PPTC7: variants seen among roughly 807,000 people sequenced by gnomAD.
The protein encoded by PPTC7 is protein phosphatase PTC7 homolog.
PPTC7 carries 6 observed loss-of-function variants against 30.8 expected under a neutral mutation model. That is an observed-to-expected ratio of 0.19 (90% CI 0.11 to 0.38). The LOEUF is 0.38. PPTC7 is among the 10% of genes least tolerant of loss of function. The pLI, the probability that PPTC7 is intolerant of heterozygous loss-of-function variation, is 1.00. For missense variants in PPTC7, 218 were observed against 404.8 expected (o/e 0.54, Z 3.96); for synonymous variants, 163 against 168.1 (o/e 0.97, Z 0.23).
At position 110,539,836 on chromosome 12, in the gene PPTC7, G is replaced by C. The variant is rs2064243513; in HGVS notation, c.712C>G (p.Leu238Val). ...NMPDYMILQE[L>V]KKLKNSNYES... The stretch of plus-strand genomic sequence containing the variant: ...GAGTTAATTACCTTTAACTTTTTTA[G>C]CTCCTGAAGAATCATATAATCAGGC... The change falls in exon 4 of 6, where the codon CTA (leucine) becomes GTA (valine). Residue 238 changes from leucine to valine, a missense_variant. Leu to Val is a conservative substitution (Grantham distance 32). Transcript: ENST00000354300. The C allele has an allele frequency of 1.9e-6, 3 of 1,613,462 alleles. No individual in the cohort carries two copies. In the African/African-American group the frequency reaches 4.0e-5, roughly 22 times the overall value.
chr12:110,572,009 C>A (rs536133182), intron 1 of PPTC7, among the ~76,000 whole-genome samples: 3 of 152,288 alleles, frequency 2.0e-5, no homozygotes, highest in Admixed American at 2.0e-4. Flanking sequence ...AATTGCTATT[C>A]AAACATAGCA....
At chr12:110,545,293 A>C (rs1242621314) in intron 3 of PPTC7, among the ~76,000 whole-genome samples, 1 of 152,116 alleles carries the variant, frequency 6.6e-6, no homozygotes, top group Non-Finnish European at 1.5e-5. Context: ...GGGTTTCACC[A>C]TGTTGGCCAA....
chr12:110,554,925 T>C (rs572745319), intron 1 of PPTC7, among the ~76,000 whole-genome samples: 1 of 152,352 alleles, frequency 6.6e-6, no homozygotes, highest in South Asian at 2.1e-4. Context: ...CATTCTGTAT[T>C]AATTTTATTT....
chr12:110,559,744 A>AG (rs2064422428), intron 1 of PPTC7, among the ~76,000 whole-genome samples: 1 of 151,044 alleles, frequency 6.6e-6, no homozygotes, highest in Non-Finnish European at 1.5e-5. Flanking sequence ...AAAAAAAAAA[A>AG]AAAAAAGAAA....
intron 2 of PPTC7, among the ~76,000 whole-genome samples, chr12:110,547,334 T>C (rs1051690955): frequency 1.3e-5 from 2 of 152,324 alleles, no homozygotes; most frequent in South Asian, 4.1e-4. Flanking sequence ...AGCTCTGTGA[T>C]GGGGCAAACT....
At position 110,582,833 on chromosome 12, in the gene PPTC7, G is replaced by T; in HGVS notation, c.199C>A (p.Arg67=). The T allele has an allele frequency of 1.3e-6, 2 of 1,563,814 alleles. No homozygotes were observed. The highest frequency in any genetic ancestry group is 1.7e-6 in the Non-Finnish European group (2 of 1,154,470). The change falls in exon 1 of 6, where the codon CGG becomes AGG. Residue 67 remains arginine, a synonymous_variant. Transcript: ENST00000354300. The part of the protein sequence containing the change: ...CYGDDACFVA[R]HRSADVLGVA... ...CCGAGCACGTCCGCGGAACGGTGCC[G>T]GGCCACGAAGCACGCGTCGTCCCCG...
chr12:110,540,705 A>G (rs913459325), intron 3 of PPTC7, among the ~76,000 whole-genome samples: 7 of 151,700 alleles, frequency 4.6e-5, no homozygotes, highest in African/African-American at 1.7e-4. Flanking sequence ...GTTTCCTCGA[A>G]TATTTGAATC....
chr12:110,555,654 T>A (rs1410990170), intron 1 of PPTC7, among the ~76,000 whole-genome samples: 1 of 152,126 alleles, frequency 6.6e-6, no homozygotes, highest in African/African-American at 2.4e-5. Flanking sequence ...ACATTTGGTA[T>A]CCATGAAACA....
chr12:110,581,505 G>A (rs2064637048), intron 1 of PPTC7, among the ~76,000 whole-genome samples: 1 of 152,146 alleles, frequency 6.6e-6, no homozygotes, highest in African/African-American at 2.4e-5. Flanking sequence ...TGACTTCGGG[G>A]TGGATTTGTA....
chr12:110,538,355 GT>G (rs2064233895), intron 4 of PPTC7, 82 bp from the exon 5 acceptor site: 3 of 1,358,378 alleles, frequency 2.2e-6, no homozygotes, highest in Non-Finnish European at 3.1e-6. Flanking sequence ...CATCATGTAA[GT>G]TTTATTCTAG....
chr12:110,539,312 GA>G (rs2064239836), intron 4 of PPTC7, among the ~76,000 whole-genome samples: 1 of 152,168 alleles, frequency 6.6e-6, no homozygotes, highest in Admixed American at 6.5e-5. Context: ...AGACTCATGA[GA>G]AAAAGACTCA....
intron 1 of PPTC7, among the ~76,000 whole-genome samples, chr12:110,554,241 A>G (rs1170015996): frequency 6.6e-6 from 1 of 152,132 alleles, no homozygotes; most frequent in East Asian, 1.9e-4. Context: ...TGTTACAATC[A>G]CAGCTCATTG....
At chr12:110,545,809 C>T in intron 3 of PPTC7, 71 bp downstream of exon 3, 1 of 1,403,084 alleles carries the variant, frequency 7.1e-7, no homozygotes, top group South Asian at 1.2e-5. Context: ...TCACTGCACT[C>T]AAGGGGGACA....
intron 3 of PPTC7, among the ~76,000 whole-genome samples, chr12:110,541,084 A>G (rs967538216): frequency 2.6e-5 from 4 of 151,128 alleles, no homozygotes; most frequent in South Asian, 2.1e-4. Context: ...CGCCAATCTT[A>G]TAAGAATTCA....
Position 110,583,100 on chromosome 12 carries a change from C to G in PPTC7, c.-69G>C. The G allele has an allele frequency of 7.9e-7, 1 of 1,263,322 alleles. No individual in the cohort carries two copies. The highest frequency in any genetic ancestry group is 1.0e-6 in the Non-Finnish European group (1 of 989,588). 78.3% of individuals were successfully genotyped at this position (1,263,322 alleles called of 1,614,324 possible). On this transcript the variant is annotated 5_prime_UTR_variant, in exon 1 of 6. Transcript: ENST00000354300. The stretch of plus-strand genomic sequence containing the variant: ...GGAGGACGCGGAGGCCCGGAGCCGG[C>G]TCTCTCCTCAGCCGCAGTCGCGCCG...
At chr12:110,582,675 C>A in intron 1 of PPTC7, 134 bp downstream of exon 1, 1 of 736,810 alleles carries the variant, frequency 1.4e-6, no homozygotes. Context: ...CGGCGCCTGG[C>A]GCATAGTAAG....
chr12:110,552,094 GAAT>G (rs2064353503), intron 1 of PPTC7, 126 bp from the exon 2 acceptor site: 1 of 713,436 alleles, frequency 1.4e-6, no homozygotes, highest in South Asian at 2.1e-5. Flanking sequence ...CCAAAATTCA[GAAT>G]AAAAAGCACT....
intron 1 of PPTC7, among the ~76,000 whole-genome samples, chr12:110,558,895 C>T (rs1055807599): frequency 6.6e-6 from 1 of 152,154 alleles, no homozygotes; most frequent in Non-Finnish European, 1.5e-5. Flanking sequence ...TGTGAACCAC[C>T]GTGCCCAGGC....
Position 110,546,254 on chromosome 12 carries a change from GT to G in PPTC7, c.404-177del, listed in dbSNP as rs1256253823. ...GAATATCAATAAAATCCTGATCAGG[GT>G]TAACACGGTGGGGAAAGAAAAAGGA... On this transcript the variant is annotated intron_variant, in intron 2 of 5. Transcript: ENST00000354300. 1.0e-5 allele frequency: 6 copies of G among 601,014 alleles called. No individual in the cohort carries two copies. In the African/African-American group the frequency reaches 1.1e-4, roughly 11 times the overall value. The allele number at this position is 601,014 out of a possible 1,614,324, so 37.2% of individuals were successfully genotyped here. A position where few individuals can be genotyped will look rare whatever the true frequency, so the allele number is the denominator to read the frequency against.
Sources: gnomAD v4.1 joint callset for allele counts (sites outside exome capture counted in the v4.1 genomes callset) on GRCh38, gnomAD v4.1.1 for gene constraint, MANE v1.5 for transcripts, NCBI Gene and HGNC (gene_info 2026-07-23, HGNC 2026-07-21) for gene names.